The following IL1RAPL1 variants were observed in gnomAD, a reference collection of about 807,000 sequenced individuals.
IL1RAPL1 encodes the protein interleukin 1 receptor accessory protein like 1.
Under a neutral mutation model 48.4 loss-of-function variants are expected in IL1RAPL1, and 3 were observed. That is an observed-to-expected ratio of 0.06 (90% CI 0.03 to 0.16). The LOEUF is 0.16. IL1RAPL1 is among the 10% of genes least tolerant of loss of function. The pLI, the probability that IL1RAPL1 is intolerant of heterozygous loss-of-function variation, is 1.00. For missense variants in IL1RAPL1, 349 were observed against 530.6 expected, an observed-to-expected ratio of 0.66 and a Z score of 3.36; for synonymous variants, 185 against 187.7, an observed-to-expected ratio of 0.99 and a Z score of 0.12.
intron 1 of IL1RAPL1, among the ~76,000 whole-genome samples, chrX:28,676,123 C>T (rs1430879612): frequency 5.4e-5 from 6 of 111,463 alleles, no homozygotes; most frequent in Non-Finnish European, 1.1e-4. Flanking sequence ...GTGGTAATAG[C>T]TTCACTATTC....
At chrX:28,694,611 G>A (rs992211737) in intron 1 of IL1RAPL1, among the ~76,000 whole-genome samples, 9 of 111,733 alleles carry the variant, frequency 8.1e-5, no homozygotes, top group Non-Finnish European at 1.3e-4. Context: ...TGTACCTTTC[G>A]TAGGACAATT....
intron 1 of IL1RAPL1, among the ~76,000 whole-genome samples, chrX:28,722,222 C>T: frequency 9.0e-6 from 1 of 111,524 alleles, no homozygotes; most frequent in Non-Finnish European, 1.9e-5. Flanking sequence ...TCTTCCTATC[C>T]ATGAGCATGG....
At chrX:29,639,173 G>A (rs1420586952) in intron 5 of IL1RAPL1, among the ~76,000 whole-genome samples, 3 of 98,941 alleles carry the variant, frequency 3.0e-5, no homozygotes, top group African/African-American at 8.1e-5. Flanking sequence ...GCGACAAAGC[G>A]AGACTCCGTC....
intron 1 of IL1RAPL1, among the ~76,000 whole-genome samples, chrX:28,658,724 C>T (rs1934780565): frequency 2.7e-5 from 3 of 110,927 alleles, no homozygotes; most frequent in African/African-American, 9.8e-5. Context: ...AAGAAATGTA[C>T]TTGTTTTGAA....
intron 2 of IL1RAPL1, among the ~76,000 whole-genome samples, chrX:29,011,723 C>T (rs189530962): frequency 8.9e-6 from 1 of 112,278 alleles, no homozygotes; most frequent in East Asian, 2.8e-4. Context: ...TGGGTGTATA[C>T]ATAAGCTAAA....
At chrX:29,229,271 C>T (rs932793572) in intron 2 of IL1RAPL1, among the ~76,000 whole-genome samples, 1 of 110,702 alleles carries the variant, frequency 9.0e-6, no homozygotes, top group Non-Finnish European at 1.9e-5. Flanking sequence ...TTGTTCTCTT[C>T]TTATGATGCT....
At position 29,803,223 on chromosome X, in the gene IL1RAPL1, A is replaced by ATG. The variant is rs1491450231; in HGVS notation, c.779-114240_779-114239insGT. ...TATACACACATGTATATATGTATACATATACACACATGTATATATGTATAC... is the reference window on the plus strand; with the variant it reads ...TATACACACATGTATATATGTATACATGTATACACACATGTATATATGTATAC... On this transcript the variant is annotated intron_variant, in intron 6 of 10. Coordinates refer to ENST00000378993, the MANE Select transcript of IL1RAPL1 (RefSeq NM_014271.4). Among the ~76,000 whole-genome samples, 39 of 26,877 alleles carry ATG rather than the reference A, an allele frequency of 1.5e-3. 2 individuals are homozygous for ATG. The highest frequency in any genetic ancestry group is 4.1e-3 in the African/African-American group (25 of 6,048). The allele number at this position is 26,877 out of a possible 115,157, so 23.3% of individuals were successfully genotyped here.
intron 1 of IL1RAPL1, 119 bp from the exon 2 acceptor site, chrX:28,789,201 C>A: frequency 2.2e-6 from 1 of 463,785 alleles, no homozygotes; most frequent in Non-Finnish European, 3.7e-6. Context: ...TGGTTATATT[C>A]TTTCCTTTTG....
At chrX:29,894,536 T>C (rs1286381926) in intron 6 of IL1RAPL1, among the ~76,000 whole-genome samples, 1 of 112,251 alleles carries the variant, frequency 8.9e-6, no homozygotes, top group Non-Finnish European at 1.9e-5. Context: ...AAAATCCCAG[T>C]AGAACAATCA....
chrX:28,668,134 G>C (rs1216903351), intron 1 of IL1RAPL1, among the ~76,000 whole-genome samples: 2 of 111,769 alleles, frequency 1.8e-5, no homozygotes, highest in Non-Finnish European at 3.8e-5. Context: ...CCTTTTTTTA[G>C]TAAAAGTTGC....
chrX:29,922,953 A>G (rs945723967), intron 8 of IL1RAPL1, among the ~76,000 whole-genome samples: 5 of 110,533 alleles, frequency 4.5e-5, no homozygotes, highest in Non-Finnish European at 9.4e-5. Flanking sequence ...GATCTTGTAT[A>G]CCACAAGCTG....
chrX:29,909,604 A>G (rs1257098254), intron 6 of IL1RAPL1, among the ~76,000 whole-genome samples: 2 of 112,094 alleles, frequency 1.8e-5, no homozygotes, highest in Non-Finnish European at 3.8e-5. Context: ...ATATCTCTAC[A>G]ATAAAAATTA....
intron 9 of IL1RAPL1, among the ~76,000 whole-genome samples, chrX:29,951,617 G>A (rs962475234): frequency 8.9e-6 from 1 of 111,880 alleles, no homozygotes; most frequent in Non-Finnish European, 1.9e-5. Flanking sequence ...AATGAATGGC[G>A]ATGAGATTAT....
intron 2 of IL1RAPL1, among the ~76,000 whole-genome samples, chrX:28,926,511 CAT>C (rs1056333930): frequency 2.7e-5 from 3 of 110,655 alleles, no homozygotes; most frequent in African/African-American, 6.6e-5. Context: ...AAAAAAAAAA[CAT>C]ATATAGTTTA....
intron 5 of IL1RAPL1, among the ~76,000 whole-genome samples, chrX:29,588,449 T>C (rs895506875): frequency 1.8e-5 from 2 of 112,422 alleles, no homozygotes; most frequent in African/African-American, 6.5e-5. Context: ...ACTTGAAGTA[T>C]TTTTACCACT....
intron 2 of IL1RAPL1, among the ~76,000 whole-genome samples, chrX:29,096,783 A>G (rs1244937448): frequency 9.0e-6 from 1 of 110,705 alleles, no homozygotes; most frequent in African/African-American, 3.3e-5. Context: ...TTTGAGGTCC[A>G]AAATGGCCTT....
intron 2 of IL1RAPL1, among the ~76,000 whole-genome samples, chrX:29,200,537 A>AG (rs1471326008): frequency 2.7e-5 from 3 of 111,827 alleles, no homozygotes; most frequent in Middle Eastern, 4.6e-3. Context: ...TCACATTGAA[A>AG]GGGGGAGAGA....
intron 3 of IL1RAPL1, among the ~76,000 whole-genome samples, chrX:29,304,516 G>T (rs886301034): frequency 8.9e-6 from 1 of 111,868 alleles, no homozygotes; most frequent in Non-Finnish European, 1.9e-5. Context: ...TCTAAAATAT[G>T]TACTTAAAAT....
intron 2 of IL1RAPL1, among the ~76,000 whole-genome samples, chrX:29,172,048 C>T (rs975329116): frequency 5.3e-5 from 6 of 112,366 alleles, no homozygotes; most frequent in African/African-American, 1.9e-4. Flanking sequence ...TATTTTGAAC[C>T]ATTAAACTGG....
Sources: allele counts gnomAD v4.1 joint callset (sites outside exome capture counted in the v4.1 genomes callset), GRCh38; gene constraint gnomAD v4.1.1; transcripts MANE v1.5; gene names NCBI Gene and HGNC (gene_info 2026-07-23, HGNC 2026-07-21).